The following TJP2 variants were observed in gnomAD, a reference collection of about 807,000 sequenced individuals.
TJP2 encodes Friedreich ataxia region gene X104 (tight junction protein ZO-2).
A neutral mutation model predicts 133.1 loss-of-function variants in TJP2; 91 were observed. The observed-to-expected ratio is 0.68, with a 90% CI of 0.58 to 0.81. The LOEUF (loss-of-function observed/expected upper bound fraction) is 0.81, where lower values mean the gene tolerates loss of function less well. Among genes scored for constraint, TJP2 ranks in the 40% least tolerant of loss-of-function variants. TJP2 has a pLI of 0.00. For missense variants in TJP2, 1,541 were observed against 1,565.6 expected, an observed-to-expected ratio of 0.98 and a Z score of 0.26; for synonymous variants, 592 against 583.4, an observed-to-expected ratio of 1.01 and a Z score of -0.21.
At chr9:69,185,701 G>C (rs900048512) in intron 1 of TJP2, among the ~76,000 whole-genome samples, 10 of 151,924 alleles carry the variant, frequency 6.6e-5, no homozygotes, top group African/African-American at 2.4e-4. Flanking sequence ...TGATAGATGG[G>C]GTTACTTTTT....
rs548254077 is a variant in TJP2, at chr9:69,235,295, T to A, written c.1781-733T>A. Among the ~76,000 whole-genome samples the A allele has an allele frequency of 3.3e-3, 370 of 113,432 alleles. 1 individual carries two copies. Among genetic ancestry groups the A allele is most frequent in the Middle Eastern group, 0.014 (3 of 214 alleles). The allele number at this position is 113,432 out of a possible 152,430, so 74.4% of individuals were successfully genotyped here. A position where few individuals can be genotyped will look rare whatever the true frequency, so the allele number is the denominator to read the frequency against. On this transcript the variant is annotated intron_variant, in intron 12 of 22. Coordinates refer to ENST00000377245, the MANE Select transcript of TJP2 (RefSeq NM_004817.4). ...CAGGAAGAGTAGTTTCCTCCTAATT[T>A]TTTATTTATTTATTTATTTATTTAT...
chr9:69,161,309 ACCTCCGCCTCCTGGGT>A (rs1274815883), intron 2 of TJP2, among the ~76,000 whole-genome samples: 1 of 151,602 alleles, frequency 6.6e-6, no homozygotes, highest in Non-Finnish European at 1.5e-5. Flanking sequence ...GCTCACCGCA[ACCTCCGCCTCCTGGGT>A]TCAAGCCATT....
intron 1 of TJP2, among the ~76,000 whole-genome samples, chr9:69,210,471 T>C (rs1284175560): frequency 1.3e-5 from 2 of 152,146 alleles, no homozygotes; most frequent in Non-Finnish European, 2.9e-5. Flanking sequence ...ATACAAAAAT[T>C]TCACCTGAAA....
rs1380102450 is a variant in TJP2, at chr9:69,125,949, C to T, written c.-131+4224C>T. On this transcript the variant is annotated intron_variant, in intron 1 of 5. Coordinates refer to the TJP2 transcript ENST00000423935. ...CACTAGTTGTGTACCCATTGTGAAA[C>T]AGGGATTTTCAGATATACTGTCGTT... Among the ~76,000 whole-genome samples the T allele has an allele frequency of 9.1e-5, 7 of 76,684 alleles. 3 individuals carry two copies. The highest frequency in any genetic ancestry group is 2.0e-4 in the African/African-American group (5 of 25,140). The allele number at this position is 76,684 out of a possible 152,430, so 50.3% of individuals were successfully genotyped here.
intron 1 of TJP2, chr9:69,205,258 C>T (rs1331227525): frequency 1.3e-6 from 2 of 1,537,152 alleles, no homozygotes; most frequent in South Asian, 1.2e-5. Context: ...AAGCTCTCCC[C>T]TTGTTTTCCC....
chr9:69,144,860 G>C (rs1244379163), intron 1 of TJP2, among the ~76,000 whole-genome samples: 1 of 152,180 alleles, frequency 6.6e-6, no homozygotes, highest in Admixed American at 6.5e-5. Context: ...GTTCACCCCA[G>C]GGAAGACTGG....
At chr9:69,159,205 C>G (rs572860250) in intron 2 of TJP2, among the ~76,000 whole-genome samples, 31 of 151,936 alleles carry the variant, frequency 2.0e-4, no homozygotes, top group African/African-American at 7.2e-4. Context: ...ATCCCAGCTA[C>G]TTGGGGGTGC....
chr9:69,226,954 G>A (rs1829397904), intron 7 of TJP2, among the ~76,000 whole-genome samples: 3 of 152,190 alleles, frequency 2.0e-5, no homozygotes, highest in East Asian at 1.9e-4. Context: ...CTTTTAAAGA[G>A]CTATATTCAT....
chr9:69,172,468 T>C (rs972819454), upstream of TJP2, among the ~76,000 whole-genome samples: 4 of 152,220 alleles, frequency 2.6e-5, no homozygotes, highest in African/African-American at 9.6e-5. Context: ...AGAACTGAAT[T>C]TGTCATTTCC....
intron 1 of TJP2, among the ~76,000 whole-genome samples, chr9:69,187,727 TA>T (rs1564416303): frequency 6.6e-6 from 1 of 152,102 alleles, no homozygotes; most frequent in African/African-American, 2.4e-5. Context: ...GTTTTAACAT[TA>T]GGGGGTGTTG....
intron 21 of TJP2, among the ~76,000 whole-genome samples, chr9:69,252,396 G>A (rs945657768): frequency 6.6e-6 from 1 of 151,892 alleles, no homozygotes; most frequent in Admixed American, 6.6e-5. Flanking sequence ...TCCTTCCCAC[G>A]TGAAACTCCG....
intron 1 of TJP2, among the ~76,000 whole-genome samples, chr9:69,186,379 C>T (rs1378119602): frequency 6.6e-6 from 1 of 152,142 alleles, no homozygotes; most frequent in East Asian, 1.9e-4. Flanking sequence ...GGCAAATATT[C>T]GAAATGGAAA....
chr9:69,200,373 ACT>A (rs1428220786), intron 1 of TJP2, among the ~76,000 whole-genome samples: 1 of 139,666 alleles, frequency 7.2e-6, no homozygotes, highest in Non-Finnish European at 1.6e-5. Context: ...CATCAATTAC[ACT>A]GTTTTGTGGT....
At chr9:69,171,622 C>A (rs1824685339), upstream of TJP2, among the ~76,000 whole-genome samples, 1 of 152,106 alleles carries the variant, frequency 6.6e-6, no homozygotes, top group African/African-American at 2.4e-5. Context: ...TTCCCTAAGT[C>A]TCTCCTGCTA....
chr9:69,170,399 A>G (rs1824615362), upstream of TJP2, among the ~76,000 whole-genome samples: 1 of 152,026 alleles, frequency 6.6e-6, no homozygotes, highest in Admixed American at 6.6e-5. Flanking sequence ...TCCTTGTTGT[A>G]TAGACTTCCT....
At chr9:69,137,280 TTTC>T (rs1321590813) in intron 1 of TJP2, among the ~76,000 whole-genome samples, 174 of 111,164 alleles carry the variant, frequency 1.6e-3, no homozygotes, top group African/African-American at 3.1e-3. Context: ...TTTTTCTTTC[TTTC>T]TTTCTTTCTT....
intron 13 of TJP2, 149 bp from the exon 14 acceptor site, chr9:69,236,800 C>T: frequency 1.1e-6 from 1 of 919,858 alleles, no homozygotes. Context: ...AAGTGAAGGT[C>T]CCCACATTTC....
chr9:69,237,671 G>A (rs151331846), intron 14 of TJP2, among the ~76,000 whole-genome samples: 4 of 152,100 alleles, frequency 2.6e-5, no homozygotes, highest in African/African-American at 7.2e-5. Flanking sequence ...ATCTAGGTTA[G>A]CATGTGGTTG....
At chr9:69,139,810 G>A (rs753217605) in intron 1 of TJP2, among the ~76,000 whole-genome samples, 5 of 152,148 alleles carry the variant, frequency 3.3e-5, no homozygotes, top group Non-Finnish European at 7.3e-5. Flanking sequence ...TGTCTTCTAG[G>A]TTTACCAAGA....
Sources: gnomAD v4.1 joint callset for allele counts (sites outside exome capture counted in the v4.1 genomes callset) on GRCh38, gnomAD v4.1.1 for gene constraint, MANE v1.5 for transcripts, NCBI Gene and HGNC (gene_info 2026-07-23, HGNC 2026-07-21) for gene names.